Variants in ARVCF observed in about 807,000 individuals in gnomAD.
ARVCF encodes the protein splicing regulator ARVCF.
In ARVCF, 66 loss-of-function variants were observed where a neutral mutation model predicts 90.9. The ratio of observed to expected loss-of-function variants is 0.73; its 90% confidence interval spans 0.60 to 0.89. ARVCF has a LOEUF of 0.89. Ranked by LOEUF, ARVCF falls within the 40% of genes least tolerant of loss-of-function variation. ARVCF has a pLI of 0.00. For synonymous variants in ARVCF, 653 were observed against 603.4 expected (o/e 1.08, Z -1.21); for missense variants, 1,469 against 1,382.3 (o/e 1.06, Z -1.00).
chr22:19,978,859 G>C, intron 7 of ARVCF, 38 bp downstream of exon 7: 1 of 1,584,046 alleles, frequency 6.3e-7, no homozygotes. Flanking sequence ...ACGGGGCCTG[G>C]TGTGCATGTG....
At chr22:19,972,714 G>T (rs776204587) in intron 16 of ARVCF, 23 bp downstream of exon 16, 2 of 1,587,176 alleles carry the variant, frequency 1.3e-6, no homozygotes, top group Admixed American at 3.5e-5. Context: ...CACCCTCTAG[G>T]CTCCCTAAGC....
chr22:19,976,247 T>G (rs1206721307), intron 10 of ARVCF, among the ~76,000 whole-genome samples: 1 of 152,146 alleles, frequency 6.6e-6, no homozygotes, highest in African/African-American at 2.4e-5. Flanking sequence ...GCAGCCCACC[T>G]AACATTTGTG....
downstream of ARVCF, chr22:19,966,831 G>T: frequency 3.2e-6 from 2 of 622,538 alleles, no homozygotes; most frequent in Non-Finnish European, 4.0e-6. Context: ...TGCAACCTCT[G>T]TGAGGCTCCA....
In ARVCF at chr22:19,977,974, T is replaced by A; in HGVS notation, c.1682A>T (p.Lys561Met). The A allele has an allele frequency of 6.2e-7, 1 of 1,609,140 alleles. No individual in the cohort carries two copies. The highest frequency in any genetic ancestry group is 8.5e-7 in the Non-Finnish European group (1 of 1,177,934). The change falls in exon 8 of 20, where the codon AAG becomes ATG. Residue 561 changes from lysine to methionine, a missense_variant. Transcript: ENST00000263207. ...LHALQSAVGR[K>M]DTDNKSVENC... The stretch of plus-strand genomic sequence containing the variant: ...CCTGCCCACCTTGTTGTCAGTGTCC[T>A]TCCGGCCCACAGCCGACTGCAGGGC...
chr22:19,998,424 C>A (rs946882619), intron 2 of ARVCF, among the ~76,000 whole-genome samples: 4 of 152,172 alleles, frequency 2.6e-5, no homozygotes, highest in African/African-American at 4.8e-5. Flanking sequence ...AAGCAGGGCC[C>A]GCCGGCCCAG....
intron 2 of ARVCF, among the ~76,000 whole-genome samples, chr22:20,008,677 C>T (rs1944719975): frequency 6.6e-6 from 1 of 152,228 alleles, no homozygotes; most frequent in Non-Finnish European, 1.5e-5. Context: ...TGGACAGGAC[C>T]ACACCCCAGG....
intron 2 of ARVCF, among the ~76,000 whole-genome samples, chr22:19,996,226 AC>A (rs1159480260): frequency 6.6e-6 from 1 of 151,924 alleles, no homozygotes; most frequent in African/African-American, 2.4e-5. Flanking sequence ...GCTGGGGATG[AC>A]TGTTCTCAGC....
chr22:19,978,933 C>T lies in ARVCF; in HGVS notation c.1544G>A (p.Trp515Ter). Residue 515 changes from tryptophan (W) to a stop codon, truncating the protein, a stop_gained, in exon 7 of 20, where the codon TGG (tryptophan) becomes TAG (stop). Transcript: ENST00000263207. LOFTEE classifies it high-confidence loss of function. ...NEDSKPRDAE[W>*]TTVFKNTSGC... The stretch of plus-strand genomic sequence containing the variant: ...CGACGTGTTCTTGAAGACAGTTGTC[C>T]ACTCGGCGTCCCGTGGCTTGGAGTC... 6.2e-7 allele frequency: 1 copy of T among 1,613,040 alleles called. No individual in the cohort carries two copies. The highest frequency in any genetic ancestry group is 8.5e-7 in the Non-Finnish European group (1 of 1,179,758).
chr22:19,978,983 T>C lies in ARVCF; in HGVS notation c.1494A>G (p.Ser498=), dbSNP rs761809783. ...TLTHEVIVPH[S]GWEREPNEDS... is the part of the protein sequence containing the mutation. ...CCTCGTTGGGCTCACGCTCCCATCC[T>C]GAGTGGGGCACGATCACCTCGTGGG... The change falls in exon 7 of 20, where the codon TCA becomes TCG. Residue 498 remains serine (S), a synonymous_variant. Coordinates refer to ENST00000263207, the MANE Select transcript of ARVCF (RefSeq NM_001670.3). 1 of 1,613,408 alleles carries C rather than the reference T, an allele frequency of 6.2e-7. No individual in the cohort carries two copies. Among genetic ancestry groups the C allele is most frequent in the Non-Finnish European group, 8.5e-7 (1 of 1,179,956 alleles).
chr22:19,987,740 G>A (rs558867299), intron 3 of ARVCF, among the ~76,000 whole-genome samples: 11 of 152,148 alleles, frequency 7.2e-5, no homozygotes, highest in African/African-American at 2.2e-4. Flanking sequence ...CACTCTGAAT[G>A]GGCCTGCGAA....
At chr22:20,015,688 C>T (rs113674307) in intron 1 of ARVCF, among the ~76,000 whole-genome samples, 148 of 152,214 alleles carry the variant, frequency 9.7e-4, no homozygotes, top group African/African-American at 3.2e-3. Flanking sequence ...GAGGTTTCCC[C>T]CACAGCAGCC....
At chr22:19,978,866 T>C (rs771607328) in intron 7 of ARVCF, 31 bp downstream of exon 7, 65 of 1,590,146 alleles carry the variant, frequency 4.1e-5, no homozygotes, top group African/African-American at 6.7e-5. Flanking sequence ...CTGGTGTGCA[T>C]GTGGGCTTTA....
rs2146212478 is a variant in ARVCF at position 19,970,695 on chromosome 22, C to T, written c.*61G>A. On this transcript the variant is annotated 3_prime_UTR_variant, in exon 20 of 20. Transcript: ENST00000263207. ...CCACGGCACGATCTGCTCAGGGTGG[C>T]CCTTCTTCCACGATCCAAGCCCTAA... 2 of 1,289,448 alleles carry T rather than the reference C, an allele frequency of 1.6e-6. No homozygotes were observed. The highest frequency in any genetic ancestry group is 2.0e-6 in the Non-Finnish European group (2 of 988,784). The allele number at this position is 1,289,448 out of a possible 1,614,324, so 79.9% of individuals were successfully genotyped here. A position where few individuals can be genotyped will look rare whatever the true frequency, so the allele number is the denominator to read the frequency against.
intron 16 of ARVCF, among the ~76,000 whole-genome samples, 157 bp from the exon 17 acceptor site, chr22:19,972,568 GCGC>G (rs1366724829): frequency 2.0e-5 from 3 of 152,170 alleles, no homozygotes; most frequent in Admixed American, 2.0e-4. Context: ...CTTGACAACA[GCGC>G]GGATGCTGTG....
chr22:19,968,731 C>G, downstream of ARVCF: 1 of 1,569,056 alleles, frequency 6.4e-7, no homozygotes, highest in Non-Finnish European at 8.6e-7. Flanking sequence ...CGAAGCAGGG[C>G]CCTGACTGCC....
At chr22:20,011,108 C>A (rs772574205) in intron 1 of ARVCF, among the ~76,000 whole-genome samples, 18 of 152,308 alleles carry the variant, frequency 1.2e-4, no homozygotes, top group Non-Finnish European at 2.4e-4. Context: ...GGATGGGGGA[C>A]CTGGCACTCA....
chr22:19,966,206 A>G (rs1942379951), downstream of ARVCF, among the ~76,000 whole-genome samples: 1 of 152,188 alleles, frequency 6.6e-6, no homozygotes, highest in South Asian at 2.1e-4. Context: ...CTGCACACTC[A>G]GGGCTGGGGC....
Position 19,982,111 on chromosome 22 carries a change from T to C in ARVCF, c.211-20A>G. 1 of 1,608,042 alleles carries C rather than the reference T, an allele frequency of 6.2e-7. No individual in the cohort carries two copies. ...CTGCTCCTGGGGCAAGGAGGGACAT[T>C]GGTGGGCAGGCCTGCTGCTCAGTCA... On this transcript the variant is annotated intron_variant, in intron 3 of 19. Transcript: ENST00000263207.
downstream of ARVCF, chr22:19,967,312 C>A (rs756817001): frequency 1.1e-6 from 1 of 913,284 alleles, no homozygotes; most frequent in African/African-American, 1.7e-5. Context: ...GGAAGGCAGC[C>A]GCCCTGCTCA....
Sources: allele counts gnomAD v4.1 joint callset (sites outside exome capture counted in the v4.1 genomes callset), GRCh38; gene constraint gnomAD v4.1.1; transcripts MANE v1.5; gene names NCBI Gene and HGNC (gene_info 2026-07-23, HGNC 2026-07-21).